TANC1: variants seen among roughly 807,000 people sequenced by gnomAD.
TANC1 encodes tetratricopeptide repeat, ankyrin repeat and coiled-coil containing 1.
In TANC1, 77 loss-of-function variants were observed where a neutral mutation model predicts 149.7. The ratio of observed to expected loss-of-function variants is 0.51; its 90% CI spans 0.43 to 0.62. The LOEUF (loss-of-function observed/expected upper bound fraction) is 0.62. Ranked by LOEUF, TANC1 falls within the 20% of genes least tolerant of loss-of-function variation. The pLI is 0.00. For synonymous variants in TANC1, 854 were observed against 925.0 expected (o/e 0.92, Z 1.39); for missense variants, 1,985 against 2,321.8 (o/e 0.85, Z 2.98).
chr2:159,197,735 C>G (rs147034291), intron 18 of TANC1, among the ~76,000 whole-genome samples: 1 of 152,198 alleles, frequency 6.6e-6, no homozygotes, highest in African/African-American at 2.4e-5. Flanking sequence ...TGACCTTGGT[C>G]TTAATCCATG....
At chr2:159,170,888 CA>C in intron 10 of TANC1, 83 bp downstream of exon 10, 1 of 1,454,854 alleles carries the variant, frequency 6.9e-7, no homozygotes, top group Admixed American at 2.0e-5. Flanking sequence ...CATAAAATAC[CA>C]ATTTTCCTCA....
intron 1 of TANC1, among the ~76,000 whole-genome samples, chr2:158,978,184 T>C (rs1195210137): frequency 6.6e-6 from 1 of 152,180 alleles, no homozygotes; most frequent in Non-Finnish European, 1.5e-5. Context: ...CTGTTTCTCC[T>C]TTGGGAGAAA....
chr2:159,091,592 T>G (rs2045549728), intron 3 of TANC1, among the ~76,000 whole-genome samples: 1 of 152,230 alleles, frequency 6.6e-6, no homozygotes, highest in African/African-American at 2.4e-5. Context: ...TTTGTACGTT[T>G]GGTTCTATAA....
intron 22 of TANC1, among the ~76,000 whole-genome samples, chr2:159,222,347 A>G (rs576424844): frequency 6.6e-6 from 1 of 152,356 alleles, no homozygotes; most frequent in Admixed American, 6.5e-5. Flanking sequence ...ACCAGTATCC[A>G]GAACTTTTCA....
intron 1 of TANC1, among the ~76,000 whole-genome samples, chr2:158,979,329 AT>A (rs572152142): frequency 6.6e-6 from 1 of 151,298 alleles, no homozygotes; most frequent in South Asian, 2.1e-4. Context: ...TCTCTACAAA[AT>A]TTTTTTTTAA....
In TANC1 at chr2:159,217,571, C is replaced by T. The variant is rs764599245; in HGVS notation, c.3319C>T (p.Arg1107Trp). 1.5e-5 allele frequency: 25 copies of T among 1,614,202 alleles called. No homozygotes were observed. The highest frequency in any genetic ancestry group is 8.9e-5 in the East Asian group (4 of 44,882). Residue 1107 changes from arginine (R) to tryptophan (W), a missense_variant, in exon 20 of 27, where the codon CGG (arginine) becomes TGG (tryptophan). Arg to Trp is a moderately radical substitution (Grantham distance 101). Coordinates refer to ENST00000263635, the MANE Select transcript of TANC1 (RefSeq NM_033394.3). ...GCTGGGGCATGGAGCTGCTGTGTCG[C>T]GGACAAACAGGAGAGGGGTTCCACC... Reference protein sequence around the residue: ...LLLGHGAAVSRTNRRGVPPLF... With the variant: ...LLLGHGAAVSWTNRRGVPPLF...
intron 3 of TANC1, among the ~76,000 whole-genome samples, chr2:159,089,223 T>C (rs1238975687): frequency 6.6e-6 from 1 of 152,216 alleles, no homozygotes; most frequent in Non-Finnish European, 1.5e-5. Context: ...TTTGTCATCT[T>C]TAAAATTACT....
intron 4 of TANC1, among the ~76,000 whole-genome samples, chr2:159,133,214 A>G (rs1269649120): frequency 2.0e-5 from 3 of 152,072 alleles, no homozygotes; most frequent in African/African-American, 7.2e-5. Flanking sequence ...AATAACAAAG[A>G]GCTTTACCTC....
intron 1 of TANC1, among the ~76,000 whole-genome samples, chr2:158,970,054 C>T (rs768124967): frequency 6.6e-6 from 1 of 150,402 alleles, no homozygotes; most frequent in Non-Finnish European, 1.5e-5. Flanking sequence ...GTTCCTGGTT[C>T]AGAATCTTTG....
At chr2:158,985,880 A>C (rs759155374) in intron 1 of TANC1, among the ~76,000 whole-genome samples, 1 of 152,124 alleles carries the variant, frequency 6.6e-6, no homozygotes, top group Non-Finnish European at 1.5e-5. Context: ...TGACCTTGCG[A>C]TCTGCCTGCC....
chr2:158,969,299 AAGTTG>A, intron 1 of TANC1, among the ~76,000 whole-genome samples: 1 of 152,198 alleles, frequency 6.6e-6, no homozygotes, highest in East Asian at 1.9e-4. Context: ...GCGGGTCGCG[AAGTTG>A]CCGAGAGAAC....
intron 4 of TANC1, among the ~76,000 whole-genome samples, chr2:159,101,548 T>C (rs1030978136): frequency 1.2e-4 from 18 of 152,332 alleles, no homozygotes; most frequent in African/African-American, 4.3e-4. Context: ...AAGATTGTTT[T>C]CTGAGTATTG....
chr2:159,159,017 G>A (rs2053723339), intron 7 of TANC1, among the ~76,000 whole-genome samples: 1 of 152,210 alleles, frequency 6.6e-6, no homozygotes, highest in Non-Finnish European at 1.5e-5. Flanking sequence ...TAATGCTGTA[G>A]TCAGGTTACA....
intron 2 of TANC1, among the ~76,000 whole-genome samples, chr2:159,023,169 CT>C (rs1387461867): frequency 6.6e-6 from 1 of 151,928 alleles, no homozygotes; most frequent in African/African-American, 2.4e-5. Flanking sequence ...CCCTACATTG[CT>C]TTTTTTGTGT....
chr2:159,176,446 A>C lies in TANC1; in HGVS notation c.1830A>C (p.Ser610=). 1 of 1,600,868 alleles carries C rather than the reference A, an allele frequency of 6.2e-7. No homozygotes were observed. Among genetic ancestry groups the C allele is most frequent in the Non-Finnish European group, 8.5e-7 (1 of 1,174,352 alleles). The change falls in exon 13 of 27, where the codon TCA becomes TCC. Residue 610 remains serine, a synonymous_variant. Transcript: ENST00000263635. ...CTGATTATGGAGATACGCTTTCTTC[A>C]TTTATTACCAAAATTATTTCTAAAT... ...HKPDYGDTLS[S]FITKIISKFP...
chr2:159,049,218 T>C (rs2041293040), intron 2 of TANC1, among the ~76,000 whole-genome samples: 1 of 152,204 alleles, frequency 6.6e-6, no homozygotes. Context: ...TGGTTTCTTA[T>C]AAAATTGTCC....
chr2:159,000,621 G>GGTGC (rs2036539392), intron 1 of TANC1, among the ~76,000 whole-genome samples: 1 of 151,988 alleles, frequency 6.6e-6, no homozygotes, highest in South Asian at 2.1e-4. Context: ...GAAAATTGAG[G>GGTGC]GTGCGGCAAG....
intron 18 of TANC1, 93 bp downstream of exon 18, chr2:159,196,886 C>A: frequency 1.6e-6 from 2 of 1,239,818 alleles, no homozygotes; most frequent in Non-Finnish European, 2.2e-6. Flanking sequence ...AGGAGGATGC[C>A]AAGAACTAGC....
intron 3 of TANC1, among the ~76,000 whole-genome samples, chr2:159,070,531 A>G (rs2043062776): frequency 6.6e-6 from 1 of 152,228 alleles, no homozygotes. Flanking sequence ...GAGTAGTTTC[A>G]TGGCTCTAAA....
Sources: allele counts gnomAD v4.1 joint callset (sites outside exome capture counted in the v4.1 genomes callset), GRCh38; gene constraint gnomAD v4.1.1; transcripts MANE v1.5; gene names NCBI Gene and HGNC (gene_info 2026-07-23, HGNC 2026-07-21).